MARCHF1: variants seen among roughly 807,000 people sequenced by gnomAD.
MARCHF1 encodes the protein membrane associated ring-CH-type finger 1.
In MARCHF1, 40 loss-of-function variants were observed where a neutral mutation model predicts 54.2. That is an observed-to-expected ratio of 0.74 (90% confidence interval 0.57 to 0.96). The LOEUF (loss-of-function observed/expected upper bound fraction) is 0.96. Among genes scored for constraint, MARCHF1 ranks in the 40% least tolerant of loss-of-function variants. The pLI, the probability that MARCHF1 is intolerant of heterozygous loss-of-function variation, is 0.00. For synonymous variants in MARCHF1, 236 were observed against 236.3 expected, an observed-to-expected ratio of 1.00 and a Z score of 0.01; for missense variants, 586 against 656.5, an observed-to-expected ratio of 0.89 and a Z score of 1.17.
intron 2 of MARCHF1, among the ~76,000 whole-genome samples, chr4:164,017,314 C>T (rs1431999281): frequency 6.6e-6 from 1 of 151,786 alleles, no homozygotes; most frequent in African/African-American, 2.4e-5. Context: ...CTAGCCAGTT[C>T]AATAAGGCAA....
intron 4 of MARCHF1, among the ~76,000 whole-genome samples, chr4:163,822,253 A>C (rs1440399043): frequency 6.6e-6 from 1 of 151,852 alleles, no homozygotes; most frequent in Non-Finnish European, 1.5e-5. Context: ...CCTTTATTAC[A>C]TAGAAAACTC....
At chr4:164,008,233 G>T (rs941506864) in intron 2 of MARCHF1, among the ~76,000 whole-genome samples, 2 of 152,048 alleles carry the variant, frequency 1.3e-5, no homozygotes, top group African/African-American at 2.4e-5. Flanking sequence ...AAAAAGAGGA[G>T]AATAAGTTCA....
intron 1 of MARCHF1, among the ~76,000 whole-genome samples, chr4:164,132,339 T>C (rs552712738): frequency 6.6e-6 from 1 of 152,162 alleles, no homozygotes; most frequent in Non-Finnish European, 1.5e-5. Flanking sequence ...TATTCCAAAT[T>C]TGTGATTTTT....
intron 2 of MARCHF1, among the ~76,000 whole-genome samples, chr4:164,073,397 G>C (rs13103549): frequency 0.74 from 113,040 of 152,008 alleles, 42,448 homozygotes; most frequent in Non-Finnish European, 0.79. Flanking sequence ...AACACAAGAA[G>C]AGAAAACCAA....
chr4:164,298,208 T>C (rs1292587127), intron 1 of MARCHF1, among the ~76,000 whole-genome samples: 1 of 152,150 alleles, frequency 6.6e-6, no homozygotes, highest in African/African-American at 2.4e-5. Flanking sequence ...AGTATTTTTA[T>C]AGCAAATTCA....
intron 3 of MARCHF1, among the ~76,000 whole-genome samples, chr4:163,859,992 A>T (rs1424262482): frequency 2.6e-5 from 4 of 152,202 alleles, no homozygotes; most frequent in Admixed American, 2.0e-4. Context: ...AGAGACTTCC[A>T]GTTTAAGCTA....
At chr4:164,108,619 C>T (rs890599338) in intron 2 of MARCHF1, among the ~76,000 whole-genome samples, 2 of 152,004 alleles carry the variant, frequency 1.3e-5, no homozygotes, top group South Asian at 4.1e-4. Context: ...CACTTCTATT[C>T]CTCACAGTTT....
intron 4 of MARCHF1, among the ~76,000 whole-genome samples, chr4:163,760,925 T>C (rs987863312): frequency 2.6e-5 from 4 of 152,212 alleles, no homozygotes; most frequent in African/African-American, 9.6e-5. Flanking sequence ...AAGTTACATT[T>C]TGCTTGTTGA....
chr4:164,335,748 A>G (rs957062461), intron 1 of MARCHF1, among the ~76,000 whole-genome samples: 1 of 152,186 alleles, frequency 6.6e-6, no homozygotes, highest in African/African-American at 2.4e-5. Flanking sequence ...TTAGCAGTAA[A>G]GTAGTTTTAA....
At chr4:164,060,484 C>A (rs1560885396) in intron 2 of MARCHF1, among the ~76,000 whole-genome samples, 1 of 152,016 alleles carries the variant, frequency 6.6e-6, no homozygotes, top group Admixed American at 6.6e-5. Context: ...GATAGTATTT[C>A]TTGTTTTATT....
chr4:164,304,776 T>C (rs1734655626), intron 1 of MARCHF1, among the ~76,000 whole-genome samples: 1 of 152,204 alleles, frequency 6.6e-6, no homozygotes, highest in South Asian at 2.1e-4. Flanking sequence ...GTTCACATGC[T>C]ACAGTTTTAT....
chr4:163,726,233 T>A (rs1400538632), intron 4 of MARCHF1, among the ~76,000 whole-genome samples: 1 of 152,194 alleles, frequency 6.6e-6, no homozygotes, highest in Non-Finnish European at 1.5e-5. Flanking sequence ...TATATGTTAA[T>A]AGTTTCACTT....
At chr4:163,721,012 C>T (rs1014252516) in intron 4 of MARCHF1, among the ~76,000 whole-genome samples, 10 of 152,098 alleles carry the variant, frequency 6.6e-5, no homozygotes, top group African/African-American at 1.9e-4. Flanking sequence ...TAATTGAATA[C>T]CTTTTATTTC....
At chr4:164,358,760 C>G (rs918662787) in intron 1 of MARCHF1, among the ~76,000 whole-genome samples, 2 of 151,896 alleles carry the variant, frequency 1.3e-5, no homozygotes, top group Non-Finnish European at 2.9e-5. Flanking sequence ...TCTATTAAAC[C>G]AAGTTCAGAA....
At chr4:163,890,085 C>A (rs1447893955) in intron 3 of MARCHF1, among the ~76,000 whole-genome samples, 1 of 139,128 alleles carries the variant, frequency 7.2e-6, no homozygotes, top group Non-Finnish European at 1.5e-5. Flanking sequence ...CCACCATGCC[C>A]GGCTAATTTT....
At chr4:163,539,175 C>T (rs888615124) in intron 9 of MARCHF1, among the ~76,000 whole-genome samples, 1 of 152,058 alleles carries the variant, frequency 6.6e-6, no homozygotes, top group African/African-American at 2.4e-5. Flanking sequence ...CATGCACCAC[C>T]ATGCCCAGCT....
At chr4:164,328,475 G>A (rs978965876) in intron 1 of MARCHF1, among the ~76,000 whole-genome samples, 2 of 151,906 alleles carry the variant, frequency 1.3e-5, no homozygotes, top group African/African-American at 4.8e-5. Context: ...AAGATAATGT[G>A]CAACTGAAGA....
intron 2 of MARCHF1, among the ~76,000 whole-genome samples, chr4:164,036,414 G>A (rs925146810): frequency 5.9e-5 from 9 of 152,082 alleles, no homozygotes; most frequent in Non-Finnish European, 1.2e-4. Flanking sequence ...GAGTTGGGAA[G>A]CTGTAAAACT....
chr4:164,284,628 G>A (rs1056423928), intron 1 of MARCHF1, among the ~76,000 whole-genome samples: 15 of 150,842 alleles, frequency 9.9e-5, no homozygotes, highest in African/African-American at 3.7e-4. Context: ...AGAAGAGACT[G>A]GTCTTAGTCT....
Sources: allele counts gnomAD v4.1 joint callset (sites outside exome capture counted in the v4.1 genomes callset), GRCh38; gene constraint gnomAD v4.1.1; transcripts MANE v1.5; gene names NCBI Gene and HGNC (gene_info 2026-07-23, HGNC 2026-07-21).